SRRM4: variants seen among roughly 807,000 people sequenced by gnomAD.
SRRM4 encodes serine/arginine repetitive matrix protein 4.
In SRRM4, 33 loss-of-function variants were observed where a neutral mutation model predicts 68.9. The ratio of observed to expected loss-of-function variants is 0.48; its 90% CI spans 0.36 to 0.64. The LOEUF is 0.64. Among genes scored for constraint, SRRM4 ranks in the 30% least tolerant of loss-of-function variants. SRRM4 has a pLI of 0.00. For synonymous variants in SRRM4, 318 were observed against 318.8 expected (o/e 1.00, Z 0.03); for missense variants, 817 against 827.1 (o/e 0.99, Z 0.15).
chr12:119,023,440 A>G (rs1182892114), intron 1 of SRRM4, among the ~76,000 whole-genome samples: 1 of 152,148 alleles, frequency 6.6e-6, no homozygotes, highest in African/African-American at 2.4e-5. Context: ...CTCCCAAAAG[A>G]CACAGCAATT....
chr12:119,148,459 G>GA (rs1349134316), intron 9 of SRRM4, among the ~76,000 whole-genome samples: 12 of 152,164 alleles, frequency 7.9e-5, no homozygotes, highest in African/African-American at 2.9e-4. Flanking sequence ...TATTATGCAG[G>GA]AAAAATTGAA....
chr12:119,117,894 G>A (rs1216948606), intron 4 of SRRM4, among the ~76,000 whole-genome samples: 2 of 151,982 alleles, frequency 1.3e-5, no homozygotes, highest in Non-Finnish European at 2.9e-5. Flanking sequence ...CCTGGCAGCA[G>A]AGTGAGACTC....
At chr12:119,147,811 T>G (rs1485430297) in intron 9 of SRRM4, among the ~76,000 whole-genome samples, 1 of 152,216 alleles carries the variant, frequency 6.6e-6, no homozygotes, top group Non-Finnish European at 1.5e-5. Flanking sequence ...TACTTCGTCA[T>G]CCGCTTAACT....
intron 8 of SRRM4, among the ~76,000 whole-genome samples, chr12:119,138,277 G>T (rs1350982293): frequency 1.3e-5 from 2 of 152,094 alleles, no homozygotes; most frequent in Admixed American, 6.6e-5. Context: ...CATACTAAGG[G>T]AGCTAACGAA....
intron 8 of SRRM4, among the ~76,000 whole-genome samples, chr12:119,138,127 C>T (rs1954342381): frequency 6.6e-6 from 1 of 152,072 alleles, no homozygotes; most frequent in Admixed American, 6.5e-5. Context: ...GCTGTAATTG[C>T]TCTCAGCTGA....
intron 2 of SRRM4, among the ~76,000 whole-genome samples, chr12:119,105,519 G>A (rs1954102413): frequency 1.3e-5 from 2 of 152,234 alleles, no homozygotes; most frequent in Admixed American, 1.3e-4. Flanking sequence ...ATTCTAACTG[G>A]TGTGAGATGG....
chr12:119,082,475 T>TC (rs961270966), intron 1 of SRRM4, among the ~76,000 whole-genome samples: 2 of 152,122 alleles, frequency 1.3e-5, no homozygotes, highest in Non-Finnish European at 1.5e-5. Context: ...GCTCGTGATT[T>TC]CCCCCCCTTC....
At chr12:119,078,408 A>T (rs567967468) in intron 1 of SRRM4, among the ~76,000 whole-genome samples, 1 of 152,340 alleles carries the variant, frequency 6.6e-6, no homozygotes, top group South Asian at 2.1e-4. Flanking sequence ...ATGACTGGAC[A>T]ACTGAATCAA....
chr12:119,125,193 C>A (rs370763595), intron 6 of SRRM4, among the ~76,000 whole-genome samples, 188 bp from the exon 7 acceptor site: 1 of 152,232 alleles, frequency 6.6e-6, no homozygotes, highest in African/African-American at 2.4e-5. Flanking sequence ...CCATTGGTTA[C>A]GGAACCCTCC....
chr12:119,050,385 G>A (rs779910613), intron 1 of SRRM4, among the ~76,000 whole-genome samples: 14 of 152,206 alleles, frequency 9.2e-5, no homozygotes, highest in Non-Finnish European at 1.8e-4. Flanking sequence ...ACAAGACAGG[G>A]CTCTGCTTTC....
At chr12:119,066,230 T>C (rs1235932052) in intron 1 of SRRM4, among the ~76,000 whole-genome samples, 4 of 152,204 alleles carry the variant, frequency 2.6e-5, no homozygotes, top group African/African-American at 9.6e-5. Context: ...GAGCTTCTTC[T>C]ATGTGCCAAG....
chr12:118,986,273 A>G (rs558703481), intron 1 of SRRM4, among the ~76,000 whole-genome samples: 2 of 152,326 alleles, frequency 1.3e-5, no homozygotes, highest in Non-Finnish European at 2.9e-5. Flanking sequence ...TGAGGGTCAC[A>G]GAAAATGCTT....
chr12:119,055,365 T>A (rs1953770008), intron 1 of SRRM4, among the ~76,000 whole-genome samples: 1 of 152,168 alleles, frequency 6.6e-6, no homozygotes, highest in Non-Finnish European at 1.5e-5. Flanking sequence ...CACGCAATGA[T>A]GTTATTTATA....
chr12:119,050,834 T>C (rs116476235), intron 1 of SRRM4, among the ~76,000 whole-genome samples: 17,177 of 152,112 alleles, frequency 0.11, 1,048 homozygotes, highest in East Asian at 0.21. Flanking sequence ...AAATTAAAAG[T>C]TTATTATTAA....
chr12:119,021,271 A>T (rs1953514361), intron 1 of SRRM4, among the ~76,000 whole-genome samples: 1 of 152,174 alleles, frequency 6.6e-6, no homozygotes, highest in South Asian at 2.1e-4. Context: ...TACTTAAGGA[A>T]AAAAAAGAAG....
At chr12:119,014,671 G>A (rs1467960978) in intron 1 of SRRM4, among the ~76,000 whole-genome samples, 1 of 152,110 alleles carries the variant, frequency 6.6e-6, no homozygotes, top group African/African-American at 2.4e-5. Context: ...TTAAATTTAG[G>A]AAGGCACAGG....
chr12:119,015,470 G>T (rs1187251011), intron 1 of SRRM4, among the ~76,000 whole-genome samples: 1 of 152,114 alleles, frequency 6.6e-6, no homozygotes, highest in Non-Finnish European at 1.5e-5. Flanking sequence ...GCTGTGCTCT[G>T]AATAAAACCC....
At position 119,161,739 on chromosome 12, in the gene SRRM4, G is replaced by A. The variant is rs1475896246; in HGVS notation, c.*4941G>A. On this transcript the variant is annotated 3_prime_UTR_variant, in exon 13 of 13. Transcript: ENST00000267260. ...ATCACCAAGCAAATTGAAATTGGCA[G>A]AAATGGAGGCTTCAGTCACACAAAT... is the stretch of plus-strand genomic sequence containing the variant. The A allele has an allele frequency of 1.3e-5, 2 of 152,576 alleles. No homozygotes were observed. The highest frequency in any genetic ancestry group is 4.8e-5 in the African/African-American group (2 of 41,424). The allele number at this position is 152,576 out of a possible 1,614,324, so 9.5% of individuals were successfully genotyped here. A position where few individuals can be genotyped will look rare whatever the true frequency, so the allele number is the denominator to read the frequency against.
At chr12:119,016,940 G>A (rs1953485724) in intron 1 of SRRM4, among the ~76,000 whole-genome samples, 1 of 152,004 alleles carries the variant, frequency 6.6e-6, no homozygotes, top group Non-Finnish European at 1.5e-5. Context: ...TGTAGAATGG[G>A]GATTAAATAC....
Sources: allele counts gnomAD v4.1 joint callset (sites outside exome capture counted in the v4.1 genomes callset), GRCh38; gene constraint gnomAD v4.1.1; transcripts MANE v1.5; gene names NCBI Gene and HGNC (gene_info 2026-07-23, HGNC 2026-07-21).